Variants in SEPTIN9 observed in about 807,000 individuals in gnomAD.
SEPTIN9 encodes the protein septin 9, also known as septin-9.
A neutral mutation model predicts 56.6 loss-of-function variants in SEPTIN9; 13 were observed. The ratio of observed to expected loss-of-function variants is 0.23; its 90% CI spans 0.15 to 0.37. The LOEUF is 0.37. Among genes scored for constraint, SEPTIN9 ranks in the 10% least tolerant of loss-of-function variants. The pLI, the probability that SEPTIN9 is intolerant of heterozygous loss-of-function variation, is 1.00. For synonymous variants in SEPTIN9, 332 were observed against 334.1 expected, an observed-to-expected ratio of 0.99 and a Z score of 0.07; for missense variants, 650 against 823.1, an observed-to-expected ratio of 0.79 and a Z score of 2.57.
At chr17:77,355,981 C>CAAAAAAAAAAAAAAA (rs766969712) in intron 2 of SEPTIN9, among the ~76,000 whole-genome samples, 2 of 92,394 alleles carry the variant, frequency 2.2e-5, no homozygotes, top group Non-Finnish European at 4.2e-5. Flanking sequence ...GACTCCGTCT[C>CAAAAAAAAAAAAAAA]AAAAAAAAAA....
chr17:77,374,386 T>G (rs93075), intron 2 of SEPTIN9: 105,812 of 152,506 alleles, frequency 0.69, 36,867 homozygotes, highest in African/African-American at 0.76. Flanking sequence ...CTGCGTCCTC[T>G]TGACTGCCGG....
At chr17:77,488,598 C>T in intron 6 of SEPTIN9, 129 bp from the exon 7 acceptor site, 1 of 1,351,452 alleles carries the variant, frequency 7.4e-7, no homozygotes, top group South Asian at 1.3e-5. Context: ...CTCCGCTCAG[C>T]AAGCCAGACC....
intron 4 of SEPTIN9, among the ~76,000 whole-genome samples, chr17:77,484,481 ATGG>A (rs1265376672): frequency 2.9e-4 from 31 of 106,446 alleles, no homozygotes; most frequent in Admixed American, 1.9e-3. Context: ...GGTGGTGATG[ATGG>A]TGGTGATGAT....
chr17:77,342,660 A>T (rs1445356166), intron 2 of SEPTIN9, among the ~76,000 whole-genome samples: 5 of 152,150 alleles, frequency 3.3e-5, no homozygotes, highest in Admixed American at 3.3e-4. Flanking sequence ...AAGGGGTGAC[A>T]TTGTGATATA....
chr17:77,377,615 G>A (rs940913671), intron 2 of SEPTIN9, among the ~76,000 whole-genome samples: 1 of 152,166 alleles, frequency 6.6e-6, no homozygotes, highest in Non-Finnish European at 1.5e-5. Flanking sequence ...TCTGTGTTCT[G>A]GAGGCAGAGC....
chr17:77,360,724 C>T (rs1333887813), intron 2 of SEPTIN9, among the ~76,000 whole-genome samples: 1 of 152,044 alleles, frequency 6.6e-6, no homozygotes, highest in African/African-American at 2.4e-5. Context: ...GCCACCACAC[C>T]CGGCTAATTT....
chr17:77,360,762 C>T (rs889132190), intron 2 of SEPTIN9, among the ~76,000 whole-genome samples: 2 of 152,018 alleles, frequency 1.3e-5, no homozygotes, highest in Non-Finnish European at 2.9e-5. Context: ...GACGGGGTTT[C>T]ACCGTGTTAG....
intron 1 of SEPTIN9, among the ~76,000 whole-genome samples, chr17:77,293,767 T>A (rs949116229): frequency 6.6e-6 from 1 of 152,196 alleles, no homozygotes; most frequent in Non-Finnish European, 1.5e-5. Flanking sequence ...CATTACTTCT[T>A]CAATATGATG....
At chr17:77,407,644 G>A (rs2036137374) in intron 3 of SEPTIN9, among the ~76,000 whole-genome samples, 1 of 152,194 alleles carries the variant, frequency 6.6e-6, no homozygotes, top group Admixed American at 6.5e-5. Context: ...AGGCGCTGCA[G>A]AGGGCAGAGG....
intron 3 of SEPTIN9, among the ~76,000 whole-genome samples, chr17:77,466,056 AC>A (rs1568092485): frequency 9.7e-4 from 4 of 4,106 alleles, no homozygotes; most frequent in Non-Finnish European, 1.8e-3. Flanking sequence ...CTGGACTGTC[AC>A]ACACACACAC....
chr17:77,445,962 G>A lies in SEPTIN9; in HGVS notation c.722-36182G>A, dbSNP rs1170640494. ...GAAGTTCACTATCTCAAGAGCAGCA[G>A]CCTTGGAAAATCCAACACAGAACCC... On this transcript the variant is annotated intron_variant, in intron 3 of 11. Transcript: ENST00000427177. The surrounding 1 kb of genome is among the most constrained non-coding windows in gnomAD (Gnocchi z 4.7). The A allele has an allele frequency of 5.9e-6, 1 of 170,004 alleles. No homozygotes were observed. Among genetic ancestry groups the A allele is most frequent in the African/African-American group, 2.4e-5 (1 of 41,474 alleles). 10.5% of individuals were successfully genotyped at this position (170,004 alleles called of 1,614,324 possible).
chr17:77,291,960 A>C (rs1195704677), intron 1 of SEPTIN9, among the ~76,000 whole-genome samples: 1 of 152,200 alleles, frequency 6.6e-6, no homozygotes, highest in Non-Finnish European at 1.5e-5. Context: ...GTTTGCCCTC[A>C]GTCTGCTGGT....
At chr17:77,288,509 CT>C (rs1001912077) in intron 1 of SEPTIN9, among the ~76,000 whole-genome samples, 46 of 152,326 alleles carry the variant, frequency 3.0e-4, no homozygotes, top group African/African-American at 1.0e-3. Flanking sequence ...TGGGCCGCCC[CT>C]GGGGCCTTGT....
chr17:77,385,452 C>G (rs1318354935), intron 2 of SEPTIN9, among the ~76,000 whole-genome samples: 1 of 152,122 alleles, frequency 6.6e-6, no homozygotes, highest in Non-Finnish European at 1.5e-5. Flanking sequence ...CTCCTGTCCT[C>G]AAGTGATCCA....
Position 77,369,573 on chromosome 17 carries a change from A to G in SEPTIN9, c.77-32486A>G, listed in dbSNP as rs1378226123. On this transcript the variant is annotated intron_variant, in intron 2 of 11. Transcript: ENST00000427177. The surrounding 1 kb of genome is among the most constrained non-coding windows in gnomAD (Gnocchi z 4.9). Reference sequence around the variant, plus strand: ...TTGAGGGGCTGTGGAAGGCTCTGCCACTGACGGACCCAGGGCTCGGCAGCT... The same window carrying G: ...TTGAGGGGCTGTGGAAGGCTCTGCCGCTGACGGACCCAGGGCTCGGCAGCT... 1.3e-5 allele frequency among the ~76,000 whole-genome samples: 2 copies of G among 152,198 alleles called. No individual in the cohort carries two copies. Among genetic ancestry groups the G allele is most frequent in the Non-Finnish European group, 2.9e-5 (2 of 68,040 alleles).
chr17:77,364,316 A>G (rs1251845593), intron 2 of SEPTIN9, among the ~76,000 whole-genome samples: 2 of 152,244 alleles, frequency 1.3e-5, no homozygotes, highest in Admixed American at 1.3e-4. Flanking sequence ...CACGGGGTGC[A>G]TGCATTTTTA....
chr17:77,376,430 G>A (rs1006101825), intron 2 of SEPTIN9: 11 of 980,032 alleles, frequency 1.1e-5, no homozygotes, highest in African/African-American at 1.8e-5. Context: ...GAAACTGCCA[G>A]CTCCTTACAG....
chr17:77,410,001 A>C (rs545121058), intron 3 of SEPTIN9, among the ~76,000 whole-genome samples: 1 of 152,244 alleles, frequency 6.6e-6, no homozygotes, highest in South Asian at 2.1e-4. Flanking sequence ...GCGCTTCCTC[A>C]GTTGGACTCC....
chr17:77,413,448 C>T (rs187207003), intron 3 of SEPTIN9, among the ~76,000 whole-genome samples: 10 of 152,258 alleles, frequency 6.6e-5, no homozygotes, highest in African/African-American at 2.4e-4. Flanking sequence ...GTTGCTTTAG[C>T]TCGCTTAGTG....
Sources: gnomAD v4.1 joint callset for allele counts (sites outside exome capture counted in the v4.1 genomes callset) on GRCh38, gnomAD v4.1.1 for gene constraint, Gnocchi (gnomAD v3.1) non-coding constraint, MANE v1.5 for transcripts, NCBI Gene and HGNC (gene_info 2026-07-23, HGNC 2026-07-21) for gene names.